PMFBP1: variants seen among roughly 807,000 people sequenced by gnomAD.
The protein encoded by PMFBP1 is polyamine-modulated factor 1-binding protein 1.
Under a neutral mutation model 137.8 loss-of-function variants are expected in PMFBP1, and 131 were observed. The ratio of observed to expected loss-of-function variants is 0.95; its 90% confidence interval spans 0.82 to 1.10. The LOEUF is 1.10. PMFBP1 is among the 50% of genes least tolerant of loss of function. PMFBP1 has a pLI of 0.00. For synonymous variants in PMFBP1, 490 were observed against 450.4 expected (o/e 1.09, Z -1.11); for missense variants, 1,199 against 1,175.4 (o/e 1.02, Z -0.29).
intron 2 of PMFBP1, among the ~76,000 whole-genome samples, chr16:72,165,156 G>A (rs1181776275): frequency 6.6e-6 from 1 of 152,158 alleles, no homozygotes; most frequent in African/African-American, 2.4e-5. Flanking sequence ...ACTGCTGGGG[G>A]TGCACAACAG....
At chr16:72,164,724 C>G in intron 3 of PMFBP1, 40 bp downstream of exon 3, 1 of 1,553,094 alleles carries the variant, frequency 6.4e-7, no homozygotes, top group East Asian at 2.3e-5. Flanking sequence ...AGGCAGAAGT[C>G]AAGAGAGCAG....
At chr16:72,123,468 C>G in intron 18 of PMFBP1, 78 bp downstream of exon 18, 1 of 1,258,480 alleles carries the variant, frequency 7.9e-7, no homozygotes, top group Non-Finnish European at 1.1e-6. Context: ...GTGTGTGTGA[C>G]TAATCTTTGG....
chr16:72,119,478 A>T, intron 20 of PMFBP1, 124 bp from the exon 21 acceptor site: 1 of 1,580,904 alleles, frequency 6.3e-7, no homozygotes, highest in Non-Finnish European at 8.6e-7. Context: ...CTGGGGTAAC[A>T]TGGAGTTTAC....
intron 5 of PMFBP1, among the ~76,000 whole-genome samples, chr16:72,148,099 T>C (rs1460946543): frequency 6.6e-6 from 1 of 152,126 alleles, no homozygotes; most frequent in African/African-American, 2.4e-5. Context: ...CTGTTCACAA[T>C]AGCAAAGTCT....
At chr16:72,197,239 C>T in the PMFBP1 span, among the ~76,000 whole-genome samples, 4 of 152,256 alleles carry the variant, frequency 2.6e-5, no homozygotes, top group South Asian at 4.1e-4. Flanking sequence ...ATGGTCATTG[C>T]AGCCACCTGG....
the PMFBP1 span, among the ~76,000 whole-genome samples, chr16:72,194,843 T>C: frequency 6.6e-6 from 1 of 152,240 alleles, no homozygotes; most frequent in Non-Finnish European, 1.5e-5. Context: ...ACTTGCTGTT[T>C]AAAAATCCAT....
the PMFBP1 span, among the ~76,000 whole-genome samples, chr16:72,199,877 G>A: frequency 2.0e-5 from 3 of 152,166 alleles, no homozygotes; most frequent in Admixed American, 6.5e-5. Flanking sequence ...GAATGGCAGC[G>A]TGGAATTAGG....
intron 3 of PMFBP1, 147 bp downstream of exon 3, chr16:72,164,617 G>T: frequency 1.6e-6 from 2 of 1,223,736 alleles, no homozygotes; most frequent in Non-Finnish European, 2.3e-6. Flanking sequence ...TGGGGTGTGT[G>T]TGTTTAATTC....
downstream of PMFBP1, among the ~76,000 whole-genome samples, chr16:72,117,445 A>G (rs1483261718): frequency 6.6e-6 from 1 of 152,092 alleles, no homozygotes; most frequent in African/African-American, 2.4e-5. Flanking sequence ...TTTTTTACAT[A>G]TAAGATCTGT....
At chr16:72,165,008 T>C (rs2043124448) in intron 2 of PMFBP1, 92 bp from the exon 3 acceptor site, 1 of 1,372,530 alleles carries the variant, frequency 7.3e-7, no homozygotes, top group Non-Finnish European at 9.7e-7. Context: ...ACTTGAAATT[T>C]GCTGGAAATT....
At chr16:72,118,111 G>T (rs893649427), downstream of PMFBP1, among the ~76,000 whole-genome samples, 2 of 152,156 alleles carry the variant, frequency 1.3e-5, no homozygotes, top group Non-Finnish European at 2.9e-5. Context: ...AAATATTTTG[G>T]TAAATTATAG....
At chr16:72,195,981 ATGTGTGTGTGTGTGTG>A in the PMFBP1 span, among the ~76,000 whole-genome samples, 908 of 145,044 alleles carry the variant, frequency 6.3e-3, 8 homozygotes, top group African/African-American at 0.019. Flanking sequence ...AGCTTACAGA[ATGTGTGTGTGTGTGTG>A]TGTGTGTGTG....
At chr16:72,159,811 T>TA (rs1240413599) in intron 3 of PMFBP1, among the ~76,000 whole-genome samples, 3 of 150,128 alleles carry the variant, frequency 2.0e-5, no homozygotes, top group African/African-American at 7.3e-5. Context: ...TTTTTTTTTT[T>TA]AAAACATTCT....
the PMFBP1 span, among the ~76,000 whole-genome samples, chr16:72,197,233 T>C: frequency 6.6e-6 from 1 of 152,114 alleles, no homozygotes; most frequent in Non-Finnish European, 1.5e-5. Context: ...GCACCTATGG[T>C]CATTGCAGCC....
intron 6 of PMFBP1, 138 bp downstream of exon 6, chr16:72,140,274 T>G (rs1442594072): frequency 1.2e-6 from 1 of 856,838 alleles, no homozygotes; most frequent in East Asian, 2.5e-5. Context: ...ATGAACAAAG[T>G]TGGGGGGCAA....
At chr16:72,225,608 G>A in the PMFBP1 span, among the ~76,000 whole-genome samples, 4 of 151,652 alleles carry the variant, frequency 2.6e-5, no homozygotes, top group African/African-American at 9.7e-5. Flanking sequence ...AGCTACTCAG[G>A]AGGCTGAGGT....
At chr16:72,214,212 T>G in the PMFBP1 span, among the ~76,000 whole-genome samples, 1 of 152,016 alleles carries the variant, frequency 6.6e-6, no homozygotes. Context: ...TTTTTTTTTT[T>G]GAGATGGAGT....
chr16:72,137,733 C>T lies in PMFBP1; in HGVS notation c.919-914G>A, dbSNP rs138391876. Among the ~76,000 whole-genome samples the T allele has an allele frequency of 3.3e-4, 50 of 152,280 alleles. No individual in the cohort carries two copies. The East Asian group carries it at 7.3e-3, about 22-fold the overall frequency. ...TTCTACCCTGAAGGAGAGGGGATGCCTTCCTCACCAAGAGAAGGCAGGAAC... is the reference window on the plus strand; with the variant it reads ...TTCTACCCTGAAGGAGAGGGGATGCTTTCCTCACCAAGAGAAGGCAGGAAC... On this transcript the variant is annotated intron_variant, in intron 7 of 20. Transcript: ENST00000237353.
chr16:72,210,166 C>T, the PMFBP1 span, among the ~76,000 whole-genome samples: 4 of 152,138 alleles, frequency 2.6e-5, no homozygotes, highest in Non-Finnish European at 4.4e-5. Context: ...GCGAAACTTA[C>T]GAAGTTGCAG....
Sources: allele counts gnomAD v4.1 joint callset (sites outside exome capture counted in the v4.1 genomes callset), GRCh38; gene constraint gnomAD v4.1.1; transcripts MANE v1.5; gene names NCBI Gene and HGNC (gene_info 2026-07-23, HGNC 2026-07-21).